The following RFTN1 variants were observed in gnomAD, a reference collection of about 807,000 sequenced individuals.
The protein encoded by RFTN1 is raftlin, lipid raft linker 1.
RFTN1 carries 26 observed loss-of-function variants against 46.5 expected under a neutral mutation model. The ratio of observed to expected loss-of-function variants is 0.56; its 90% CI spans 0.41 to 0.78. The LOEUF is 0.78. Among genes scored for constraint, RFTN1 ranks in the 30% least tolerant of loss-of-function variants. The pLI, the probability that RFTN1 is intolerant of heterozygous loss-of-function variation, is 0.00. For synonymous variants in RFTN1, 261 were observed against 284.2 expected, an observed-to-expected ratio of 0.92 and a Z score of 0.82; for missense variants, 693 against 718.7, an observed-to-expected ratio of 0.96 and a Z score of 0.41.
chr3:16,400,605 A>G lies in RFTN1; in HGVS notation c.441+8770T>C, dbSNP rs1332139372. 6.6e-6 allele frequency among the ~76,000 whole-genome samples: 1 copy of G among 152,226 alleles called. No homozygotes were observed. The highest frequency in any genetic ancestry group is 6.5e-5 in the Admixed American group (1 of 15,286). ...ACGAAACCTGACCCACTGATGCTGG[A>G]CAGTAGATTCCCGCAGAGGGAGAAA... On this transcript the variant is annotated intron_variant, in intron 4 of 9. Coordinates refer to ENST00000334133, the MANE Select transcript of RFTN1 (RefSeq NM_015150.2). This position sits in a 1 kb window ranked among gnomAD's most constrained non-coding sequence, Gnocchi z 4.5.
At chr3:16,469,521 C>T (rs923224728) in intron 2 of RFTN1, among the ~76,000 whole-genome samples, 1 of 152,212 alleles carries the variant, frequency 6.6e-6, no homozygotes, top group Non-Finnish European at 1.5e-5. Context: ...AAGGCAGGTG[C>T]ACGACCTTCC....
rs2070594333 is a variant in RFTN1, at chr3:16,333,954, A to G, written c.1147-7078T>C. 2.0e-5 allele frequency among the ~76,000 whole-genome samples: 3 copies of G among 152,266 alleles called. No homozygotes were observed. The South Asian group carries it at 6.2e-4, about 32-fold the overall frequency. Reference sequence around the variant, plus strand: ...GCCGACGCGGGTAGAGCACGAGGTCAGGAGATCGAGACCATCCGGGCTAAC... The same window carrying G: ...GCCGACGCGGGTAGAGCACGAGGTCGGGAGATCGAGACCATCCGGGCTAAC... On this transcript the variant is annotated intron_variant, in intron 7 of 9. Transcript: ENST00000334133.
At chr3:16,404,371 AAT>A (rs1264802753) in intron 4 of RFTN1, among the ~76,000 whole-genome samples, 1 of 22,226 alleles carries the variant, frequency 4.5e-5, no homozygotes, top group Non-Finnish European at 6.8e-5. Context: ...CACAATATAT[AAT>A]ATATATAATA....
chr3:16,360,716 A>G (rs534457651), intron 6 of RFTN1, among the ~76,000 whole-genome samples: 4 of 152,354 alleles, frequency 2.6e-5, no homozygotes, highest in African/African-American at 9.6e-5. Context: ...AAAATTACTT[A>G]AAAACTTAAT....
chr3:16,512,324 G>A lies in RFTN1; in HGVS notation c.-9+1118C>T, dbSNP rs2076914452. On this transcript the variant is annotated intron_variant, in intron 1 of 9. Transcript: ENST00000334133. This position sits in a 1 kb window ranked among gnomAD's most constrained non-coding sequence, Gnocchi z 4.3. ...TGGAAGATGCCTAGTCTAGTTGAGC[G>A]CCCAGCTCCTGAAACAGCTGTACCG... 6.6e-6 allele frequency among the ~76,000 whole-genome samples: 1 copy of A among 152,034 alleles called. No homozygotes were observed. Among genetic ancestry groups the A allele is most frequent in the South Asian group, 2.1e-4 (1 of 4,822 alleles).
chr3:16,397,085 AAG>A (rs1294423407), intron 4 of RFTN1, among the ~76,000 whole-genome samples: 37 of 149,992 alleles, frequency 2.5e-4, no homozygotes, highest in African/African-American at 6.0e-4. Flanking sequence ...AAAAAAAAAA[AAG>A]AGAGAGAGAA....
rs2075186036 is a variant in RFTN1, at chr3:16,421,635, C to T, written c.333-12152G>A. On this transcript the variant is annotated intron_variant, in intron 3 of 9. Transcript: ENST00000334133. This position sits in a 1 kb window ranked among gnomAD's most constrained non-coding sequence, Gnocchi z 4.6. ...AAAGTGCTGGGATTACAGGTGTGAG[C>T]CACCACGCCCAGCCCAACATTGGTG... Among the ~76,000 whole-genome samples, 1 of 152,174 alleles carries T rather than the reference C, an allele frequency of 6.6e-6. No individual in the cohort carries two copies. The highest frequency in any genetic ancestry group is 1.5e-5 in the Non-Finnish European group (1 of 68,036).
Position 16,509,796 on chromosome 3 carries a change from T to C in RFTN1, c.-9+3646A>G, listed in dbSNP as rs1457531064. On this transcript the variant is annotated intron_variant, in intron 1 of 9. Coordinates refer to ENST00000334133, the MANE Select transcript of RFTN1 (RefSeq NM_015150.2). The surrounding 1 kb of genome is among the most constrained non-coding windows in gnomAD (Gnocchi z 4.9). ...ACGAGTCACGAAATCACTCAGCCAATGTTTACTGTGTCCCTACCCTCTGGC... is the reference window on the plus strand; with the variant it reads ...ACGAGTCACGAAATCACTCAGCCAACGTTTACTGTGTCCCTACCCTCTGGC... 6.6e-6 allele frequency among the ~76,000 whole-genome samples: 1 copy of C among 152,068 alleles called. No homozygotes were observed. Among genetic ancestry groups the C allele is most frequent in the Non-Finnish European group, 1.5e-5 (1 of 68,006 alleles).
At chr3:16,398,283 T>C (rs1432826936) in intron 4 of RFTN1, among the ~76,000 whole-genome samples, 4 of 138,800 alleles carry the variant, frequency 2.9e-5, no homozygotes, top group Middle Eastern at 8.3e-3. Context: ...AGAAGCATCA[T>C]GACTCTCCAA....
chr3:16,383,768 G>T lies in RFTN1; in HGVS notation c.442-5666C>A, dbSNP rs1321778505. Among the ~76,000 whole-genome samples, 2 of 152,152 alleles carry T rather than the reference G, an allele frequency of 1.3e-5. No homozygotes were observed. The highest frequency in any genetic ancestry group is 2.9e-5 in the Non-Finnish European group (2 of 68,034). Reference sequence around the variant, plus strand: ...AAAAATGAAGGCTATATGGAACATAGGAAAAGGAAGAGAAAAGCCTCCTGC... The same window carrying T: ...AAAAATGAAGGCTATATGGAACATATGAAAAGGAAGAGAAAAGCCTCCTGC... On this transcript the variant is annotated intron_variant, in intron 4 of 9. Transcript: ENST00000334133. The surrounding 1 kb of genome is among the most constrained non-coding windows in gnomAD (Gnocchi z 4.0).
rs1414896270 is a variant in RFTN1 at position 16,479,422 on chromosome 3, G to T, written c.145+14303C>A. Among the ~76,000 whole-genome samples the T allele has an allele frequency of 2.0e-5, 3 of 152,236 alleles. No individual in the cohort carries two copies. Among genetic ancestry groups the T allele is most frequent in the African/African-American group, 7.2e-5 (3 of 41,460 alleles). On this transcript the variant is annotated intron_variant, in intron 2 of 9. Transcript: ENST00000334133. This position sits in a 1 kb window ranked among gnomAD's most constrained non-coding sequence, Gnocchi z 5.1. ...ACAGTCTCTAGATTGGCAAGAAACAGTGGTAAGAAAAGAAACAGTTGGATC... is the reference window on the plus strand; with the variant it reads ...ACAGTCTCTAGATTGGCAAGAAACATTGGTAAGAAAAGAAACAGTTGGATC...
rs1375397886 is a variant in RFTN1 at position 16,422,622 on chromosome 3, T to A, written c.332+11229A>T. ...CTCCAGCCTGGTGACAAAGCGAGAC[T>A]CCGTCTAAAAAAAAAAAAGAATAGT... is the stretch of plus-strand genomic sequence containing the variant. On this transcript the variant is annotated intron_variant, in intron 3 of 9. Transcript: ENST00000334133. The surrounding 1 kb of genome is among the most constrained non-coding windows in gnomAD (Gnocchi z 4.6). Among the ~76,000 whole-genome samples the A allele has an allele frequency of 6.6e-6, 1 of 150,648 alleles. No individual in the cohort carries two copies. Among genetic ancestry groups the A allele is most frequent in the Admixed American group, 6.6e-5 (1 of 15,146 alleles).
rs961534195 is a variant in RFTN1, at chr3:16,457,655, C to T, written c.146-23618G>A. Among the ~76,000 whole-genome samples, 16 of 152,114 alleles carry T rather than the reference C, an allele frequency of 1.1e-4. No homozygotes were observed. The highest frequency in any genetic ancestry group is 3.6e-4 in the African/African-American group (15 of 41,416). The stretch of plus-strand genomic sequence containing the variant: ...TGCCTCTGATTGAAAGTGGCAAGTG[C>T]TGCCTGAAACAAAAATTACATTACT... On this transcript the variant is annotated intron_variant, in intron 2 of 9. Coordinates refer to ENST00000334133, the MANE Select transcript of RFTN1 (RefSeq NM_015150.2). This position sits in a 1 kb window ranked among gnomAD's most constrained non-coding sequence, Gnocchi z 4.2.
rs1274827809 is a variant in RFTN1 at position 16,499,276 on chromosome 3, G to A, written c.-8-5399C>T. On this transcript the variant is annotated intron_variant, in intron 1 of 9. Coordinates refer to ENST00000334133, the MANE Select transcript of RFTN1 (RefSeq NM_015150.2). The surrounding 1 kb of genome is among the most constrained non-coding windows in gnomAD (Gnocchi z 4.9). ...AGGTGAGGTCTATGTCAATTACCCT[G>A]AATCTGGGCTCCAGGATGGCTTGAC... Among the ~76,000 whole-genome samples, 3 of 152,222 alleles carry A rather than the reference G, an allele frequency of 2.0e-5. No homozygotes were observed. The highest frequency in any genetic ancestry group is 6.5e-5 in the Admixed American group (1 of 15,282).
Position 16,338,574 on chromosome 3 carries a change from A to G in RFTN1, c.1147-11698T>C, listed in dbSNP as rs1465955944. On this transcript the variant is annotated intron_variant, in intron 7 of 9. Transcript: ENST00000334133. The surrounding 1 kb of genome is among the most constrained non-coding windows in gnomAD (Gnocchi z 5.3). ...TTAGAAATAGCTTTGTTTGATAACA[A>G]TTAAAAAAGAAACATTTTCTCCATC... Among the ~76,000 whole-genome samples the G allele has an allele frequency of 1.3e-5, 2 of 152,266 alleles. No individual in the cohort carries two copies. Among genetic ancestry groups the G allele is most frequent in the Admixed American group, 6.5e-5 (1 of 15,286 alleles).
intron 8 of RFTN1, among the ~76,000 whole-genome samples, chr3:16,325,109 G>A (rs1222307136): frequency 6.6e-6 from 1 of 152,206 alleles, no homozygotes; most frequent in Non-Finnish European, 1.5e-5. Context: ...TAAGAAAAAG[G>A]AGGGAGAGAA....
chr3:16,470,277 A>C (rs563561870), intron 2 of RFTN1, among the ~76,000 whole-genome samples: 1 of 152,092 alleles, frequency 6.6e-6, no homozygotes, highest in Non-Finnish European at 1.5e-5. Flanking sequence ...AAACAAAACA[A>C]AACAAAGCAA....
intron 2 of RFTN1, among the ~76,000 whole-genome samples, chr3:16,485,882 G>A (rs2076439903): frequency 6.6e-6 from 1 of 152,232 alleles, no homozygotes; most frequent in South Asian, 2.1e-4. Flanking sequence ...TGAGTGGAAA[G>A]AGCTGAAACA....
At chr3:16,453,342 C>T (rs778203216) in intron 2 of RFTN1, among the ~76,000 whole-genome samples, 1 of 152,180 alleles carries the variant, frequency 6.6e-6, no homozygotes, top group East Asian at 1.9e-4. Flanking sequence ...ATAGCAGTAC[C>T]AGGACTATAG....
Sources: allele counts gnomAD v4.1 joint callset (sites outside exome capture counted in the v4.1 genomes callset), GRCh38; gene constraint gnomAD v4.1.1; non-coding constraint Gnocchi (gnomAD v3.1); transcripts MANE v1.5; gene names NCBI Gene and HGNC (gene_info 2026-07-23, HGNC 2026-07-21).